BABAM2: variants seen among roughly 807,000 people sequenced by gnomAD.
BABAM2 encodes the protein BRISC and BRCA1-A complex member 2.
A neutral mutation model predicts 54.7 loss-of-function variants in BABAM2; 31 were observed. The ratio of observed to expected loss-of-function variants is 0.57; its 90% confidence interval spans 0.43 to 0.77. BABAM2 has a LOEUF of 0.77. Ranked by LOEUF, BABAM2 falls within the 30% of genes least tolerant of loss-of-function variation. The pLI is 0.00. For synonymous variants in BABAM2, 167 were observed against 162.9 expected (o/e 1.03, Z -0.19); for missense variants, 364 against 455.8 (o/e 0.80, Z 1.83).
At chr2:28,243,300 G>A (rs1264975225) in intron 9 of BABAM2, among the ~76,000 whole-genome samples, 2 of 152,002 alleles carry the variant, frequency 1.3e-5, no homozygotes, top group Admixed American at 6.6e-5. Context: ...TTGGGAGGCC[G>A]AGGCGGGCGG....
chr2:28,184,088 T>C (rs1675968184), intron 7 of BABAM2, among the ~76,000 whole-genome samples: 1 of 152,168 alleles, frequency 6.6e-6, no homozygotes. Flanking sequence ...ACACTTTGAC[T>C]ATTGTTAGCC....
chr2:27,923,162 A>G (rs569105578), intron 2 of BABAM2, among the ~76,000 whole-genome samples: 1 of 152,244 alleles, frequency 6.6e-6, no homozygotes, highest in Non-Finnish European at 1.5e-5. Context: ...ATATCACAGT[A>G]TAAAGACTTT....
chr2:28,059,757 A>G (rs1227756186), intron 6 of BABAM2, among the ~76,000 whole-genome samples: 2 of 152,226 alleles, frequency 1.3e-5, no homozygotes, highest in Non-Finnish European at 2.9e-5. Context: ...CTGATAGCCA[A>G]GGCCATATTT....
intron 11 of BABAM2, among the ~76,000 whole-genome samples, chr2:28,321,430 C>A (rs768535978): frequency 6.6e-6 from 1 of 152,112 alleles, no homozygotes; most frequent in Non-Finnish European, 1.5e-5. Flanking sequence ...TTTCTTTTCC[C>A]AAGCATCCCT....
chr2:28,031,180 G>A (rs1165537954), intron 5 of BABAM2, among the ~76,000 whole-genome samples: 2 of 152,122 alleles, frequency 1.3e-5, no homozygotes, highest in Admixed American at 1.3e-4. Flanking sequence ...GAGGCACTTG[G>A]TCATTCTCTC....
At chr2:27,999,701 ATTT>A (rs1480145087) in intron 4 of BABAM2, among the ~76,000 whole-genome samples, 2 of 152,190 alleles carry the variant, frequency 1.3e-5, no homozygotes, top group African/African-American at 4.8e-5. Context: ...GATTTCAGAA[ATTT>A]TTAATGCCTT....
In BABAM2 at chr2:28,149,837, A is replaced by G. The variant is rs1423224791; in HGVS notation, c.680+20457A>G. ...GTACCTCTCGCTTCAGCAAATTGGC[A>G]TCTTGGGACAAGCTCCTGCCATAGT... is the stretch of plus-strand genomic sequence containing the variant. On this transcript the variant is annotated intron_variant, in intron 7 of 11. Transcript: ENST00000379624. Among the ~76,000 whole-genome samples, 6 of 152,314 alleles carry G rather than the reference A, an allele frequency of 3.9e-5. No homozygotes were observed. In the East Asian group the frequency reaches 1.2e-3, roughly 29 times the overall value.
chr2:27,921,024 T>C (rs1667307814), intron 2 of BABAM2, among the ~76,000 whole-genome samples: 1 of 152,214 alleles, frequency 6.6e-6, no homozygotes, highest in South Asian at 2.1e-4. Context: ...TTGCCTACTT[T>C]TATTTTTTTA....
At chr2:28,006,500 T>C (rs913863425) in intron 4 of BABAM2, among the ~76,000 whole-genome samples, 2 of 152,076 alleles carry the variant, frequency 1.3e-5, no homozygotes, top group African/African-American at 2.4e-5. Context: ...AATAAGTGTA[T>C]AGCAAGTAGA....
At chr2:27,918,469 T>C (rs1229715860) in intron 2 of BABAM2, among the ~76,000 whole-genome samples, 1 of 152,156 alleles carries the variant, frequency 6.6e-6, no homozygotes, top group East Asian at 1.9e-4. Flanking sequence ...TGTGTGTGTA[T>C]ATGTATAGTA....
intron 3 of BABAM2, among the ~76,000 whole-genome samples, chr2:27,978,637 C>A (rs1435926642): frequency 6.6e-6 from 1 of 151,654 alleles, no homozygotes; most frequent in Non-Finnish European, 1.5e-5. Context: ...TTCTTTTTTT[C>A]TTTTTCAAGT....
intron 6 of BABAM2, among the ~76,000 whole-genome samples, chr2:28,119,754 T>A (rs2148747443): frequency 6.6e-6 from 1 of 152,272 alleles, no homozygotes; most frequent in South Asian, 2.1e-4. Flanking sequence ...CCCTATTCTG[T>A]ATTGTGACAT....
At chr2:28,211,612 C>T (rs11685913) in intron 7 of BABAM2, among the ~76,000 whole-genome samples, 26,987 of 151,916 alleles carry the variant, frequency 0.18, 2,559 homozygotes, top group African/African-American at 0.23. Flanking sequence ...TGGTCTTGAA[C>T]TCCTGACCTC....
In BABAM2 at chr2:28,082,834, G is replaced by A. The variant is rs182951529; in HGVS notation, c.570+37035G>A. Among the ~76,000 whole-genome samples, 37 of 152,020 alleles carry A rather than the reference G, an allele frequency of 2.4e-4. No individual in the cohort carries two copies. The Middle Eastern group carries it at 0.01, about 42-fold the overall frequency. On this transcript the variant is annotated intron_variant, in intron 6 of 11. Coordinates refer to ENST00000379624, the MANE Select transcript of BABAM2 (RefSeq NM_199191.3). ...TCTTTACTGAAAATTGATTCTGTTC[G>A]TTGCTGTGGAGGCCTCACCTTTCTC...
intron 7 of BABAM2, among the ~76,000 whole-genome samples, chr2:28,158,936 C>G (rs541997318): frequency 6.6e-6 from 1 of 152,246 alleles, no homozygotes; most frequent in African/African-American, 2.4e-5. Flanking sequence ...TGTCTGGCGG[C>G]CTTGATTCTG....
chr2:27,939,439 T>C (rs1443467396), intron 3 of BABAM2, among the ~76,000 whole-genome samples: 2 of 152,246 alleles, frequency 1.3e-5, no homozygotes, highest in African/African-American at 4.8e-5. Context: ...AGAAATAGAA[T>C]GAATGCATGC....
intron 10 of BABAM2, among the ~76,000 whole-genome samples, chr2:28,263,896 C>T (rs542714491): frequency 2.2e-4 from 33 of 152,126 alleles, no homozygotes; most frequent in Admixed American, 1.8e-3. Context: ...ACAATTCCCC[C>T]GTCTCCAGGG....
rs570978277 is a variant in BABAM2 at position 28,005,381 on chromosome 2, T to C, written c.300+17294T>C. Among the ~76,000 whole-genome samples, 3 of 152,308 alleles carry C rather than the reference T, an allele frequency of 2.0e-5. No homozygotes were observed. In the East Asian group the frequency reaches 5.8e-4, roughly 29 times the overall value. The stretch of plus-strand genomic sequence containing the variant: ...CTGAAGAGAGCTTTAAGTCCATTTC[T>C]TATGTTTTGTTAGTATTTTTTGGAC... On this transcript the variant is annotated intron_variant, in intron 4 of 11. Transcript: ENST00000379624.
intron 6 of BABAM2, among the ~76,000 whole-genome samples, chr2:28,087,965 A>C (rs1431706679): frequency 6.6e-6 from 1 of 152,122 alleles, no homozygotes; most frequent in African/African-American, 2.4e-5. Flanking sequence ...TTTGTTTCTA[A>C]TAAATCAGTA....
Sources: allele counts gnomAD v4.1 joint callset (sites outside exome capture counted in the v4.1 genomes callset), GRCh38; gene constraint gnomAD v4.1.1; transcripts MANE v1.5; gene names NCBI Gene and HGNC (gene_info 2026-07-23, HGNC 2026-07-21).